The following FOXN1 variants were observed in gnomAD, a reference collection of about 807,000 sequenced individuals.
FOXN1 encodes forkhead box N1.
A neutral mutation model predicts 49.0 loss-of-function variants in FOXN1; 15 were observed. The observed-to-expected ratio is 0.31, with a 90% CI of 0.20 to 0.47. The LOEUF (loss-of-function observed/expected upper bound fraction) is 0.47. Ranked by LOEUF, FOXN1 falls within the 20% of genes least tolerant of loss-of-function variation. The pLI, the probability that FOXN1 is intolerant of heterozygous loss-of-function variation, is 1.00. For synonymous variants in FOXN1, 356 were observed against 369.0 expected (o/e 0.96, Z 0.40); for missense variants, 800 against 842.8 (o/e 0.95, Z 0.63).
In FOXN1 at chr17:28,537,449, T is replaced by A. The variant is rs73278527; in HGVS notation, c.*13T>A. 3.7e-4 allele frequency: 589 copies of A among 1,604,486 alleles called. 1 individual carries two copies. In the African/African-American group the frequency reaches 6.9e-3, roughly 19 times the overall value. Reference sequence around the variant, plus strand: ...GGCCCTGGCATGAGCTGTGCCCAGCTTCGTCAGCTCCAGCGTTTGCCTGGT... The same window carrying A: ...GGCCCTGGCATGAGCTGTGCCCAGCATCGTCAGCTCCAGCGTTTGCCTGGT... On this transcript the variant is annotated 3_prime_UTR_variant, in exon 9 of 9. Transcript: ENST00000579795.
At chr17:28,514,025 G>C (rs2069444809) in intron 1 of FOXN1, among the ~76,000 whole-genome samples, 1 of 152,194 alleles carries the variant, frequency 6.6e-6, no homozygotes, top group Non-Finnish European at 1.5e-5. Flanking sequence ...TTGGTGAATG[G>C]CAGGAAGGAC....
Position 28,527,250 on chromosome 17 carries a change from G to T in FOXN1, c.589-1G>T. 6.2e-7 allele frequency: 1 copy of T among 1,603,392 alleles called. No homozygotes were observed. Among genetic ancestry groups the T allele is most frequent in the East Asian group, 2.2e-5 (1 of 44,820 alleles). The stretch of plus-strand genomic sequence containing the variant: ...TAGTCATCTGCTTTCTCTTCCAGCA[G>T]GGTTCAGAGGTCAAAGTCAAGCCCC... On this transcript the variant is annotated splice_acceptor_variant, in intron 3 of 8. Coordinates refer to ENST00000579795, the MANE Select transcript of FOXN1 (RefSeq NM_001369369.1). LOFTEE classifies it high-confidence loss of function.
At chr17:28,528,838 C>A (rs1162090524) in intron 4 of FOXN1, among the ~76,000 whole-genome samples, 3 of 152,186 alleles carry the variant, frequency 2.0e-5, no homozygotes, top group African/African-American at 7.2e-5. Context: ...GTCACCATAG[C>A]AACCAGAGCA....
In FOXN1 at chr17:28,523,869, G is replaced by C. The variant is rs542705622; in HGVS notation, c.-14-87G>C. On this transcript the variant is annotated intron_variant, in intron 1 of 8. Transcript: ENST00000579795. ...GACTGGAGGCAGGGTCCCAGCCCAAGGATGGGGTTGGGGTGGAGGTGGCGA... is the reference window on the plus strand; with the variant it reads ...GACTGGAGGCAGGGTCCCAGCCCAACGATGGGGTTGGGGTGGAGGTGGCGA... The C allele has an allele frequency of 7.8e-5, 96 of 1,223,948 alleles. No homozygotes were observed. In the African/African-American group the frequency reaches 1.3e-3, roughly 17 times the overall value. 75.8% of individuals were successfully genotyped at this position (1,223,948 alleles called of 1,614,324 possible). A position where few individuals can be genotyped will look rare whatever the true frequency, so the allele number is the denominator to read the frequency against.
rs775629575 is a variant in FOXN1, at chr17:28,524,679, T to C, written c.300T>C (p.Pro100=). 1 of 1,613,386 alleles carries C rather than the reference T, an allele frequency of 6.2e-7. No individual in the cohort carries two copies. The highest frequency in any genetic ancestry group is 1.7e-5 in the Admixed American group (1 of 59,944). ...PFRLSPSDKY[P]GFGFEEAAAS... is the part of the protein sequence containing the mutation. ...GGCTCTCACCCTCAGACAAGTATCC[T>C]GGCTTTGGCTTTGAGGAGGCCGCAG... Residue 100 remains proline, a synonymous_variant, in exon 3 of 9, where the codon CCT becomes CCC. Transcript: ENST00000579795.
chr17:28,512,756 G>T (rs1246101821), intron 1 of FOXN1, among the ~76,000 whole-genome samples: 5 of 152,242 alleles, frequency 3.3e-5, no homozygotes, highest in Non-Finnish European at 7.3e-5. Flanking sequence ...TGTTGGGGTA[G>T]GCTCCCAGCC....
At chr17:28,528,205 A>G (rs1360558180) in intron 4 of FOXN1, among the ~76,000 whole-genome samples, 1 of 152,204 alleles carries the variant, frequency 6.6e-6, no homozygotes, top group Non-Finnish European at 1.5e-5. Flanking sequence ...AGGGAAAAGA[A>G]AGAGATAGAG....
intron 1 of FOXN1, among the ~76,000 whole-genome samples, chr17:28,520,898 C>T (rs867969332): frequency 6.6e-6 from 1 of 152,120 alleles, no homozygotes; most frequent in Non-Finnish European, 1.5e-5. Context: ...GCAAGGAGGG[C>T]TAGCAAGGGC....
At position 28,524,666 on chromosome 17, in the gene FOXN1, C is replaced by T; in HGVS notation, c.287C>T (p.Ser96Leu). Residue 96 changes from serine to leucine, a missense_variant, in exon 3 of 9, where the codon TCA becomes TTA. Coordinates refer to ENST00000579795, the MANE Select transcript of FOXN1 (RefSeq NM_001369369.1). ...PGPGPFRLSPSDKYPGFGFEE... is the reference protein window; with the variant it reads ...PGPGPFRLSPLDKYPGFGFEE... ...CCTGGGCCCTTCAGGCTCTCACCCTCAGACAAGTATCCTGGCTTTGGCTTT... is the reference window on the plus strand; with the variant it reads ...CCTGGGCCCTTCAGGCTCTCACCCTTAGACAAGTATCCTGGCTTTGGCTTT... 6.2e-7 allele frequency: 1 copy of T among 1,613,666 alleles called. No homozygotes were observed. Among genetic ancestry groups the T allele is most frequent in the South Asian group, 1.1e-5 (1 of 91,074 alleles).
intron 1 of FOXN1, among the ~76,000 whole-genome samples, chr17:28,515,880 G>GGATCCATA (rs2069483434): frequency 6.6e-6 from 1 of 151,636 alleles, no homozygotes; most frequent in Admixed American, 6.6e-5. Context: ...CACTTCCACA[G>GGATCCATA]GTGAACATAT....
intron 1 of FOXN1, among the ~76,000 whole-genome samples, chr17:28,517,183 C>T (rs2069528730): frequency 7.2e-6 from 1 of 139,748 alleles, no homozygotes; most frequent in Non-Finnish European, 1.6e-5. Flanking sequence ...ACAGGGTACA[C>T]ACCTCCACAG....
At chr17:28,535,755 A>G (rs1048776247) in intron 8 of FOXN1, among the ~76,000 whole-genome samples, 1 of 152,102 alleles carries the variant, frequency 6.6e-6, no homozygotes, top group Non-Finnish European at 1.5e-5. Flanking sequence ...AAACAAACAA[A>G]CAAAAAAACC....
intron 6 of FOXN1, among the ~76,000 whole-genome samples, chr17:28,531,553 A>C (rs1490773026): frequency 6.6e-6 from 1 of 152,190 alleles, no homozygotes; most frequent in Non-Finnish European, 1.5e-5. Context: ...GTCGCACAGT[A>C]GATGGGATCA....
At chr17:28,528,169 G>A (rs2069816434) in intron 4 of FOXN1, among the ~76,000 whole-genome samples, 1 of 152,218 alleles carries the variant, frequency 6.6e-6, no homozygotes, top group South Asian at 2.1e-4. Context: ...CAAGGGAGAG[G>A]GGCTGGGTCA....
intron 1 of FOXN1, among the ~76,000 whole-genome samples, chr17:28,518,836 C>T (rs966905213): frequency 3.9e-5 from 6 of 152,124 alleles, no homozygotes; most frequent in African/African-American, 9.7e-5. Flanking sequence ...TGTAACCCTG[C>T]GCAGGTCATT....
chr17:28,507,934 G>T (rs34304037), intron 1 of FOXN1, among the ~76,000 whole-genome samples: 22,603 of 152,176 alleles, frequency 0.15, 2,074 homozygotes, highest in East Asian at 0.29. Flanking sequence ...AGGGGCAGAC[G>T]GGGTGAGGGC....
At chr17:28,532,974 G>A (rs899048229) in intron 6 of FOXN1, among the ~76,000 whole-genome samples, 1 of 152,192 alleles carries the variant, frequency 6.6e-6, no homozygotes, top group Non-Finnish European at 1.5e-5. Context: ...TAGTTGGCTG[G>A]TCTGGTGGCT....
chr17:28,521,546 G>C (rs1012073321), intron 1 of FOXN1, among the ~76,000 whole-genome samples: 1 of 152,244 alleles, frequency 6.6e-6, no homozygotes, highest in African/African-American at 2.4e-5. Context: ...TGCCTGCTCC[G>C]CTGTGGTGTC....
chr17:28,531,381 G>T (rs998752600), intron 6 of FOXN1, among the ~76,000 whole-genome samples: 5 of 152,048 alleles, frequency 3.3e-5, no homozygotes, highest in African/African-American at 1.2e-4. Context: ...GTCCCAGGCT[G>T]GCTCACCTGA....
Sources: gnomAD v4.1 joint callset for allele counts (sites outside exome capture counted in the v4.1 genomes callset) on GRCh38, gnomAD v4.1.1 for gene constraint, MANE v1.5 for transcripts, NCBI Gene and HGNC (gene_info 2026-07-23, HGNC 2026-07-21) for gene names.